The following PIP5K1C variants were observed in gnomAD, a reference collection of about 807,000 sequenced individuals.
The protein encoded by PIP5K1C is phosphatidylinositol 4-phosphate 5-kinase type-1 gamma.
A neutral mutation model predicts 80.1 loss-of-function variants in PIP5K1C; 45 were observed. The observed-to-expected ratio is 0.56, with a 90% CI of 0.44 to 0.72. The LOEUF (loss-of-function observed/expected upper bound fraction) is 0.72, where lower values mean the gene tolerates loss of function less well. PIP5K1C is among the 30% of genes least tolerant of loss of function. The pLI, the probability that PIP5K1C is intolerant of heterozygous loss-of-function variation, is 0.00. For missense variants in PIP5K1C, 753 were observed against 954.6 expected, an observed-to-expected ratio of 0.79 and a Z score of 2.78; for synonymous variants, 498 against 420.1, an observed-to-expected ratio of 1.19 and a Z score of -2.27.
chr19:3,699,928 G>A (rs557275177), intron 1 of PIP5K1C, among the ~76,000 whole-genome samples: 42 of 152,318 alleles, frequency 2.8e-4, no homozygotes, highest in African/African-American at 9.9e-4. Context: ...CTTACAGAAA[G>A]GGAGGTGACA....
Position 3,700,466 on chromosome 19 carries a change from G to T in PIP5K1C, c.-76C>A. The T allele has an allele frequency of 5.0e-6, 4 of 806,536 alleles. No individual in the cohort carries two copies. The highest frequency in any genetic ancestry group is 6.0e-6 in the Non-Finnish European group (4 of 663,484). 50.0% of individuals were successfully genotyped at this position (806,536 alleles called of 1,614,324 possible). On this transcript the variant is annotated 5_prime_UTR_variant, in exon 1 of 18. Transcript: ENST00000335312. The stretch of plus-strand genomic sequence containing the variant: ...CCGCCGCCGCCGAACAACAAGCGCC[G>T]CCGGCCAAGGGAGGGCGCGCCGGGC...
intron 8 of PIP5K1C, among the ~76,000 whole-genome samples, chr19:3,651,572 G>A (rs968141264): frequency 4.6e-5 from 7 of 152,138 alleles, no homozygotes; most frequent in Non-Finnish European, 1.0e-4. Flanking sequence ...AGTGGCCTCG[G>A]CCCAGTCACG....
intron 1 of PIP5K1C, among the ~76,000 whole-genome samples, chr19:3,693,621 C>T (rs181979066): frequency 2.6e-5 from 4 of 152,366 alleles, no homozygotes; most frequent in Non-Finnish European, 4.4e-5. Context: ...TCGTTCACAG[C>T]CCCACCCTGT....
In PIP5K1C at chr19:3,637,225, G is replaced by C. The variant is rs1404687771; in HGVS notation, c.1920+1659C>G. The C allele has an allele frequency of 4.9e-6, 7 of 1,441,230 alleles. No homozygotes were observed. In the African/African-American group the frequency reaches 5.7e-5, roughly 12 times the overall value. The allele number at this position is 1,441,230 out of a possible 1,614,324, so 89.3% of individuals were successfully genotyped here. On this transcript the variant is annotated intron_variant, in intron 16 of 17. Transcript: ENST00000335312. This position sits in a 1 kb window ranked among gnomAD's most constrained non-coding sequence, Gnocchi z 7.0. The stretch of plus-strand genomic sequence containing the variant: ...CACGAGAGGGCTGGGTCCAGGGGCA[G>C]AGAGGGGCTCGCTGGGGTCTGGCCG...
At chr19:3,672,907 A>T (rs1251098401) in intron 1 of PIP5K1C, among the ~76,000 whole-genome samples, 1 of 102,388 alleles carries the variant, frequency 9.8e-6, no homozygotes, top group Admixed American at 1.2e-4. Context: ...GGGCGGGGGG[A>T]GAGTGGGCAG....
chr19:3,666,805 A>T (rs1013917029), intron 2 of PIP5K1C, among the ~76,000 whole-genome samples: 1 of 151,766 alleles, frequency 6.6e-6, no homozygotes, highest in African/African-American at 2.4e-5. Flanking sequence ...ACGTGCACAC[A>T]CGCACGCAGG....
rs370694519 is a variant in PIP5K1C, at chr19:3,661,148, T to C, written c.351-65A>G. On this transcript the variant is annotated intron_variant, in intron 4 of 17. Coordinates refer to ENST00000335312, the MANE Select transcript of PIP5K1C (RefSeq NM_012398.3). ...GGGCACCTCTCCCCCACCCCCGCCA[T>C]GGTCCCTCCTAGTGCCTCTAGCAGC... The C allele has an allele frequency of 1.6e-4, 175 of 1,094,250 alleles. No individual in the cohort carries two copies. The East Asian group carries it at 3.7e-3, about 23-fold the overall frequency. The allele number at this position is 1,094,250 out of a possible 1,614,324, so 67.8% of individuals were successfully genotyped here.
chr19:3,681,419 A>G (rs2035585339), intron 1 of PIP5K1C, among the ~76,000 whole-genome samples: 1 of 151,982 alleles, frequency 6.6e-6, no homozygotes, highest in Non-Finnish European at 1.5e-5. Context: ...TCTAGTAGCG[A>G]CGGAATTTTG....
chr19:3,636,829 G>A (rs963420009), intron 16 of PIP5K1C: 122 of 988,290 alleles, frequency 1.2e-4, no homozygotes, highest in Non-Finnish European at 1.4e-4. Context: ...CTGGCTGTGC[G>A]GTGCTGGGCA....
intron 6 of PIP5K1C, among the ~76,000 whole-genome samples, chr19:3,655,494 C>T (rs1018398250): frequency 2.6e-5 from 4 of 152,216 alleles, no homozygotes; most frequent in Non-Finnish European, 5.9e-5. Flanking sequence ...ATATGGAATT[C>T]GCATTTCTTG....
At chr19:3,695,159 G>C (rs1340596420) in intron 1 of PIP5K1C, among the ~76,000 whole-genome samples, 2 of 152,236 alleles carry the variant, frequency 1.3e-5, no homozygotes, top group East Asian at 3.8e-4. Context: ...CAGCGAGGCA[G>C]TCCCGTTAGC....
At chr19:3,639,750 C>G (rs1284708842) in intron 15 of PIP5K1C, among the ~76,000 whole-genome samples, 4 of 152,144 alleles carry the variant, frequency 2.6e-5, no homozygotes, top group Non-Finnish European at 5.9e-5. Context: ...TTTCACTGAG[C>G]ACTTACTACA....
Position 3,632,749 on chromosome 19 carries a change from G to A in PIP5K1C, c.*418C>T, listed in dbSNP as rs543476733. 16 of 175,274 alleles carry A rather than the reference G, an allele frequency of 9.1e-5. No individual in the cohort carries two copies. The South Asian group carries it at 2.5e-3, about 28-fold the overall frequency. 10.9% of individuals were successfully genotyped at this position (175,274 alleles called of 1,614,324 possible). ...GGCCCCCGGGGCTCAGGTCCCCAGA[G>A]GCCACCGCGAACAGCCTGGCTTCTT... On this transcript the variant is annotated 3_prime_UTR_variant, in exon 18 of 18. Transcript: ENST00000335312.
chr19:3,664,742 C>A (rs886257603), intron 3 of PIP5K1C, 80 bp downstream of exon 3: 1 of 1,192,318 alleles, frequency 8.4e-7, no homozygotes, highest in East Asian at 2.3e-5. Flanking sequence ...GGCGATAGGC[C>A]CCATCCATGC....
rs9676512 is a variant in PIP5K1C at position 3,696,785 on chromosome 19, G to C, written c.94+3512C>G. Among the ~76,000 whole-genome samples, 5 of 152,050 alleles carry C rather than the reference G, an allele frequency of 3.3e-5. No homozygotes were observed. Among genetic ancestry groups the C allele is most frequent in the Admixed American group, 2.0e-4 (3 of 15,266 alleles). Reference sequence around the variant, plus strand: ...GCCCGGGGCAGGCTGTGCAGGGCCTGATGGGCTTCAAAGAGGACTATGTCT... The same window carrying C: ...GCCCGGGGCAGGCTGTGCAGGGCCTCATGGGCTTCAAAGAGGACTATGTCT... On this transcript the variant is annotated intron_variant, in intron 1 of 17. Coordinates refer to ENST00000335312, the MANE Select transcript of PIP5K1C (RefSeq NM_012398.3). The surrounding 1 kb of genome is among the most constrained non-coding windows in gnomAD (Gnocchi z 4.1).
intron 14 of PIP5K1C, 51 bp from the exon 15 acceptor site, chr19:3,641,860 C>A: frequency 6.8e-7 from 1 of 1,473,088 alleles, no homozygotes. Flanking sequence ...CTTCCCCCAT[C>A]CTACCCCCAG....
At chr19:3,651,305 C>T (rs752635358) in intron 8 of PIP5K1C, among the ~76,000 whole-genome samples, 12 of 152,204 alleles carry the variant, frequency 7.9e-5, no homozygotes, top group Admixed American at 2.0e-4. Flanking sequence ...ATCCTCCCAC[C>T]TTGGTCTCCC....
In PIP5K1C at chr19:3,637,769, G is replaced by A. The variant is rs934461794; in HGVS notation, c.1920+1115C>T. The A allele has an allele frequency of 5.2e-6, 8 of 1,531,848 alleles. No homozygotes were observed. The highest frequency in any genetic ancestry group is 2.7e-5 in the African/African-American group (2 of 72,882). The allele number at this position is 1,531,848 out of a possible 1,614,324, so 94.9% of individuals were successfully genotyped here. A position where few individuals can be genotyped will look rare whatever the true frequency, so the allele number is the denominator to read the frequency against. On this transcript the variant is annotated intron_variant, in intron 16 of 17. Transcript: ENST00000335312. This position sits in a 1 kb window ranked among gnomAD's most constrained non-coding sequence, Gnocchi z 7.0. ...CAAGCAGAAGGTGGGGGGTGCCGGGGCAGGGGCAGGACCGAGGACCCTTCT... is the reference window on the plus strand; with the variant it reads ...CAAGCAGAAGGTGGGGGGTGCCGGGACAGGGGCAGGACCGAGGACCCTTCT...
chr19:3,683,757 C>T (rs2035662532), intron 1 of PIP5K1C, among the ~76,000 whole-genome samples: 1 of 152,190 alleles, frequency 6.6e-6, no homozygotes, highest in Non-Finnish European at 1.5e-5. Context: ...CAGGCAGAGG[C>T]ACAGCCAGTA....
Sources: allele counts gnomAD v4.1 joint callset (sites outside exome capture counted in the v4.1 genomes callset), GRCh38; gene constraint gnomAD v4.1.1; non-coding constraint Gnocchi (gnomAD v3.1); transcripts MANE v1.5; gene names NCBI Gene and HGNC (gene_info 2026-07-23, HGNC 2026-07-21).